The following SOX6 variants were observed in gnomAD, a reference collection of about 807,000 sequenced individuals.
The protein encoded by SOX6 is SRY-box transcription factor 6, also known as transcription factor SOX-6.
A neutral mutation model predicts 97.8 loss-of-function variants in SOX6; 11 were observed. The observed-to-expected ratio is 0.11, with a 90% CI of 0.07 to 0.19. The LOEUF (loss-of-function observed/expected upper bound fraction) is 0.19, where lower values mean the gene tolerates loss of function less well. Ranked by LOEUF, SOX6 falls within the 10% of genes least tolerant of loss-of-function variation. The pLI, the probability that SOX6 is intolerant of heterozygous loss-of-function variation, is 1.00. For synonymous variants in SOX6, 360 were observed against 371.4 expected (o/e 0.97, Z 0.35); for missense variants, 810 against 1,039.5 (o/e 0.78, Z 3.04).
chr11:16,095,922 A>G, intron 9 of SOX6, 74 bp downstream of exon 9: 2 of 1,533,354 alleles, frequency 1.3e-6, no homozygotes, highest in Non-Finnish European at 1.8e-6. Context: ...TTTAAAAAAA[A>G]AAAAAAAAAG....
intron 4 of SOX6, among the ~76,000 whole-genome samples, chr11:16,200,660 T>C (rs1479933671): frequency 2.6e-5 from 4 of 152,116 alleles, no homozygotes; most frequent in African/African-American, 9.7e-5. Flanking sequence ...ACTGTTATGT[T>C]CTTTGACAAA....
intron 1 of SOX6, among the ~76,000 whole-genome samples, chr11:16,341,522 T>C (rs1326135232): frequency 1.3e-5 from 2 of 152,076 alleles, no homozygotes; most frequent in African/African-American, 2.4e-5. Flanking sequence ...GTTTTCATAA[T>C]GGACAGGGTG....
chr11:16,200,049 CT>C (rs1851892713), intron 4 of SOX6, among the ~76,000 whole-genome samples: 1 of 152,170 alleles, frequency 6.6e-6, no homozygotes, highest in South Asian at 2.1e-4. Context: ...AAAGAAATGA[CT>C]GTCCATGGAG....
At chr11:16,095,339 T>A (rs1423962003) in intron 9 of SOX6, among the ~76,000 whole-genome samples, 1 of 151,744 alleles carries the variant, frequency 6.6e-6, no homozygotes, top group Non-Finnish European at 1.5e-5. Flanking sequence ...TCATAAGCCA[T>A]CTTCTCTCAG....
chr11:16,104,210 T>A (rs1469850799), intron 7 of SOX6, among the ~76,000 whole-genome samples: 1 of 151,984 alleles, frequency 6.6e-6, no homozygotes, highest in Non-Finnish European at 1.5e-5. Context: ...ATGCTTTGAT[T>A]CTGAGTAGAT....
chr11:16,002,776 T>C (rs1279106650), intron 13 of SOX6, among the ~76,000 whole-genome samples: 2 of 152,172 alleles, frequency 1.3e-5, no homozygotes, highest in African/African-American at 4.8e-5. Flanking sequence ...ATTCGTGTTA[T>C]TCAGCAGCTT....
intron 1 of SOX6, among the ~76,000 whole-genome samples, chr11:16,344,673 A>G (rs993188662): frequency 1.3e-5 from 2 of 152,018 alleles, no homozygotes; most frequent in Non-Finnish European, 2.9e-5. Context: ...TTAAAACAGC[A>G]CCTTACTTTA....
chr11:16,271,183 C>A (rs901965658), intron 3 of SOX6, among the ~76,000 whole-genome samples: 4 of 151,022 alleles, frequency 2.6e-5, no homozygotes, highest in African/African-American at 7.3e-5. Context: ...ATAATATATT[C>A]TATTAAGGAA....
chr11:16,048,966 G>A (rs1847613126), intron 11 of SOX6, among the ~76,000 whole-genome samples: 1 of 152,086 alleles, frequency 6.6e-6, no homozygotes. Flanking sequence ...TACATGTATT[G>A]ATAATCATTC....
chr11:16,407,631 T>C lies in SOX6; in HGVS notation c.-4-66379A>G, dbSNP rs1858714629. ...CTAACCCTTGTGGCAAGGGAAATACTATCCTATAGCACCACTCAACAATTA... is the reference window on the plus strand; with the variant it reads ...CTAACCCTTGTGGCAAGGGAAATACCATCCTATAGCACCACTCAACAATTA... On this transcript the variant is annotated intron_variant, in intron 1 of 15. Transcript: ENST00000396356. Among the ~76,000 whole-genome samples, 3 of 152,090 alleles carry C rather than the reference T, an allele frequency of 2.0e-5. 1 individual carries two copies. Among genetic ancestry groups the C allele is most frequent in the Non-Finnish European group, 4.4e-5 (3 of 68,022 alleles).
intron 13 of SOX6, among the ~76,000 whole-genome samples, chr11:15,990,636 T>C (rs1266427481): frequency 6.6e-6 from 1 of 152,146 alleles, no homozygotes; most frequent in Non-Finnish European, 1.5e-5. Context: ...CAGGGCGATA[T>C]ACTGATGTAT....
intron 3 of SOX6, among the ~76,000 whole-genome samples, chr11:16,242,892 T>C (rs1201723354): frequency 6.6e-6 from 1 of 151,968 alleles, no homozygotes; most frequent in Non-Finnish European, 1.5e-5. Flanking sequence ...AGTTTGACCC[T>C]GCTGATTAAG....
At chr11:16,636,645 C>T (rs1848794807) in intron 3 of SOX6, among the ~76,000 whole-genome samples, 1 of 152,140 alleles carries the variant, frequency 6.6e-6, no homozygotes, top group South Asian at 2.1e-4. Context: ...GCTCTGTCCC[C>T]CTACCCCAAA....
intron 6 of SOX6, among the ~76,000 whole-genome samples, chr11:16,133,792 G>A (rs1849883805): frequency 6.6e-6 from 1 of 152,058 alleles, no homozygotes; most frequent in African/African-American, 2.4e-5. Context: ...AGGTTCAAGC[G>A]ATTCTCCTGC....
At chr11:16,001,778 A>G (rs16932416) in intron 13 of SOX6, among the ~76,000 whole-genome samples, 13,936 of 152,230 alleles carry the variant, frequency 0.092, 1,306 homozygotes, top group East Asian at 0.36. Flanking sequence ...GATGAAAACA[A>G]TGCTAAATTA....
At chr11:16,132,358 GAA>G (rs1849789066) in intron 6 of SOX6, among the ~76,000 whole-genome samples, 2 of 76,124 alleles carry the variant, frequency 2.6e-5, no homozygotes, top group Non-Finnish European at 4.9e-5. Flanking sequence ...AAGAAAGAAA[GAA>G]AGAAAGAAAG....
chr11:16,403,722 G>A (rs775670256), intron 1 of SOX6, among the ~76,000 whole-genome samples: 3 of 151,690 alleles, frequency 2.0e-5, no homozygotes, highest in Non-Finnish European at 3.0e-5. Flanking sequence ...ATTAATCACT[G>A]AAAGGGAGAC....
chr11:16,011,555 C>T (rs148990337), intron 13 of SOX6, among the ~76,000 whole-genome samples: 1 of 152,202 alleles, frequency 6.6e-6, no homozygotes, highest in African/African-American at 2.4e-5. Flanking sequence ...TCCACAGCTG[C>T]CTCTTTTGGT....
At chr11:16,508,863 A>C (rs1388022119) in intron 4 of SOX6, among the ~76,000 whole-genome samples, 2 of 152,110 alleles carry the variant, frequency 1.3e-5, no homozygotes, top group African/African-American at 2.4e-5. Flanking sequence ...AGAAATGATA[A>C]ATACTTAAAG....
Sources: gnomAD v4.1 joint callset for allele counts (sites outside exome capture counted in the v4.1 genomes callset) on GRCh38, gnomAD v4.1.1 for gene constraint, MANE v1.5 for transcripts, NCBI Gene and HGNC (gene_info 2026-07-23, HGNC 2026-07-21) for gene names.